The following FYB2 variants were observed in gnomAD, a reference collection of about 807,000 sequenced individuals.
The protein encoded by FYB2 is FYN binding protein 2.
In FYB2, 103 loss-of-function variants were observed where a neutral mutation model predicts 94.1. The ratio of observed to expected loss-of-function variants is 1.09; its 90% CI spans 0.93 to 1.29. The LOEUF is 1.29. Among genes scored for constraint, FYB2 ranks in the 50% most tolerant of loss-of-function variants. The pLI is 0.00. For missense variants in FYB2, 896 were observed against 841.5 expected (o/e 1.06, Z -0.80); for synonymous variants, 293 against 287.9 (o/e 1.02, Z -0.18).
Position 56,799,703 on chromosome 1 carries a change from C to T in FYB2, c.10-6900G>A, listed in dbSNP as rs555871436. Among the ~76,000 whole-genome samples the T allele has an allele frequency of 3.3e-5, 5 of 152,216 alleles. No individual in the cohort carries two copies. In the South Asian group the frequency reaches 6.2e-4, roughly 19 times the overall value. ...TGATAATAAATTCTGTGTCAAATCA[C>T]GTTTTGATCTCTGCTTTATAAAGCA... On this transcript the variant is annotated intron_variant, in intron 1 of 19. Coordinates refer to ENST00000343433, the MANE Select transcript of FYB2 (RefSeq NM_001004303.5).
chr1:56,737,833 T>G (rs1318950170), intron 14 of FYB2, among the ~76,000 whole-genome samples: 1 of 152,098 alleles, frequency 6.6e-6, no homozygotes, highest in African/African-American at 2.4e-5. Flanking sequence ...GGGGATACAA[T>G]GCATGCCTAT....
chr1:56,809,581 C>T (rs1646720271), intron 1 of FYB2, among the ~76,000 whole-genome samples: 1 of 152,148 alleles, frequency 6.6e-6, no homozygotes, highest in Non-Finnish European at 1.5e-5. Flanking sequence ...ATTTGTTTTA[C>T]TTGACTCAAC....
rs369007803 is a variant in FYB2 at position 56,789,850 on chromosome 1, A to G, written c.758-716T>C. ...TGACTATTTACTGAAAGTGTTCTTC[A>G]AGCACTTATGACATGCAAATAAGTG... is the stretch of plus-strand genomic sequence containing the variant. On this transcript the variant is annotated intron_variant, in intron 2 of 19. Transcript: ENST00000343433. 2.5e-4 allele frequency among the ~76,000 whole-genome samples: 38 copies of G among 152,280 alleles called. No individual in the cohort carries two copies. In the East Asian group the frequency reaches 7.3e-3, roughly 29 times the overall value.
At chr1:56,807,759 G>C (rs376262073) in intron 1 of FYB2, among the ~76,000 whole-genome samples, 4 of 152,176 alleles carry the variant, frequency 2.6e-5, no homozygotes, top group South Asian at 2.1e-4. Flanking sequence ...GAGAAAGTAA[G>C]TTTGGCTTAG....
At chr1:56,749,295 T>A (rs11206913) in intron 9 of FYB2, among the ~76,000 whole-genome samples, 31,278 of 151,686 alleles carry the variant, frequency 0.21, 3,560 homozygotes, top group East Asian at 0.41. Context: ...TTTTCCAGTA[T>A]CCTTTTATGG....
intron 4 of FYB2, 112 bp downstream of exon 4, chr1:56,787,063 A>G: frequency 8.4e-7 from 1 of 1,188,820 alleles, no homozygotes; most frequent in East Asian, 2.4e-5. Flanking sequence ...TGCTTCTGAA[A>G]CCCTTCTGAG....
chr1:56,808,348 A>C (rs1464439296), intron 1 of FYB2, among the ~76,000 whole-genome samples: 3 of 152,180 alleles, frequency 2.0e-5, no homozygotes, highest in Non-Finnish European at 4.4e-5. Flanking sequence ...AAGAAATGCA[A>C]CTAAAGGGTG....
Position 56,782,654 on chromosome 1 carries a change from T to C in FYB2, c.953+4521A>G, listed in dbSNP as rs538137020. Among the ~76,000 whole-genome samples, 7 of 152,248 alleles carry C rather than the reference T, an allele frequency of 4.6e-5. No individual in the cohort carries two copies. In the East Asian group the frequency reaches 1.4e-3, roughly 29 times the overall value. On this transcript the variant is annotated intron_variant, in intron 4 of 19. Coordinates refer to ENST00000343433, the MANE Select transcript of FYB2 (RefSeq NM_001004303.5). ...CTTATCAGCTTTTAATAAAAGCTGA[T>C]AGACTTATTTTAAAAGCTTATGAGC...
rs138234181 is a variant in FYB2, at chr1:56,793,382, G to A, written c.10-579C>T. On this transcript the variant is annotated intron_variant, in intron 1 of 19. Transcript: ENST00000343433. ...CTTGTCAACACCTTTCTTGCACTTCGCTGCCTACTAATCCATCAATATTTC... is the reference window on the plus strand; with the variant it reads ...CTTGTCAACACCTTTCTTGCACTTCACTGCCTACTAATCCATCAATATTTC... Among the ~76,000 whole-genome samples the A allele has an allele frequency of 5.1e-4, 77 of 152,000 alleles. No individual in the cohort carries two copies. The South Asian group carries it at 0.011, about 21-fold the overall frequency.
At chr1:56,757,967 C>A (rs1391259297) in intron 6 of FYB2, among the ~76,000 whole-genome samples, 1 of 146,470 alleles carries the variant, frequency 6.8e-6, no homozygotes, top group East Asian at 2.0e-4. Context: ...TTTGTAGGGA[C>A]AGTATTTCAC....
intron 4 of FYB2, among the ~76,000 whole-genome samples, chr1:56,776,688 A>C (rs1645884511): frequency 6.6e-6 from 1 of 152,162 alleles, no homozygotes; most frequent in African/African-American, 2.4e-5. Flanking sequence ...CGGAGAGGGA[A>C]GTGAGGTCAC....
intron 15 of FYB2, among the ~76,000 whole-genome samples, chr1:56,736,687 A>C (rs1400746604): frequency 6.6e-6 from 1 of 152,098 alleles, no homozygotes; most frequent in African/African-American, 2.4e-5. Flanking sequence ...AAGTGCTGGG[A>C]TTACAGGCAT....
rs773526267 is a variant in FYB2 at position 56,787,223 on chromosome 1, G to T, written c.920-15C>A. On this transcript the variant is annotated splice_polypyrimidine_tract_variant and intron_variant, in intron 3 of 19. Coordinates refer to ENST00000343433, the MANE Select transcript of FYB2 (RefSeq NM_001004303.5). ...TTCCACAGTCACTGCAAGAGAAAGA[G>T]GCGGAATGAAAAAGAGGCATTTGCA... The T allele has an allele frequency of 6.2e-7, 1 of 1,613,842 alleles. No homozygotes were observed.
At chr1:56,747,750 T>G (rs1325098672) in intron 9 of FYB2, among the ~76,000 whole-genome samples, 2 of 152,188 alleles carry the variant, frequency 1.3e-5, no homozygotes, top group Admixed American at 6.5e-5. Context: ...TTTATAATCC[T>G]TTGGGTATAT....
chr1:56,791,842 C>T (rs1646272972), intron 2 of FYB2, among the ~76,000 whole-genome samples: 2 of 152,168 alleles, frequency 1.3e-5, no homozygotes, highest in Non-Finnish European at 2.9e-5. Flanking sequence ...CCAAGTTTTT[C>T]CAAAAGCTAT....
chr1:56,747,834 C>T (rs1053520550), intron 9 of FYB2, among the ~76,000 whole-genome samples: 12 of 152,182 alleles, frequency 7.9e-5, no homozygotes, highest in South Asian at 4.1e-4. Flanking sequence ...CGCTGTCTTC[C>T]ACAATCGTTG....
Position 56,740,779 on chromosome 1 carries a change from C to T in FYB2, c.1621G>A (p.Ala541Thr), listed in dbSNP as rs1644933326. The change falls in exon 13 of 20, where the codon GCA becomes ACA. Residue 541 changes from alanine (A) to threonine (T), a missense_variant. Transcript: ENST00000343433. ...AAGAATTGCTGCAGTCTTTTGAGTG[C>T]TTCTTTTCCATCTAAACTGAGAGGA... Reference protein sequence around the residue: ...YPKIDLDGKEALKRLQQFFKK... With the variant: ...YPKIDLDGKETLKRLQQFFKK... 6.2e-7 allele frequency: 1 copy of T among 1,603,946 alleles called. No individual in the cohort carries two copies. The highest frequency in any genetic ancestry group is 8.5e-7 in the Non-Finnish European group (1 of 1,174,048).
chr1:56,725,139 T>C (rs1644558857), intron 16 of FYB2, among the ~76,000 whole-genome samples: 3 of 152,042 alleles, frequency 2.0e-5, no homozygotes, highest in African/African-American at 7.2e-5. Context: ...TCTTGTACAG[T>C]CTACAGAACC....
chr1:56,808,981 T>C (rs1646705302), intron 1 of FYB2, among the ~76,000 whole-genome samples: 1 of 152,206 alleles, frequency 6.6e-6, no homozygotes, highest in Non-Finnish European at 1.5e-5. Flanking sequence ...TGTGCATCTA[T>C]TATGTTGTTA....
Sources: allele counts gnomAD v4.1 joint callset (sites outside exome capture counted in the v4.1 genomes callset), GRCh38; gene constraint gnomAD v4.1.1; transcripts MANE v1.5; gene names NCBI Gene and HGNC (gene_info 2026-07-23, HGNC 2026-07-21).